Variants in ETV6 observed in about 807,000 individuals in gnomAD.
ETV6 encodes the protein ETS variant transcription factor 6, also known as transcription factor ETV6.
Under a neutral mutation model 51.1 loss-of-function variants are expected in ETV6, and 16 were observed. The observed-to-expected ratio is 0.31, with a 90% CI of 0.21 to 0.48. The LOEUF is 0.48. Ranked by LOEUF, ETV6 falls within the 20% of genes least tolerant of loss-of-function variation. The pLI, the probability that ETV6 is intolerant of heterozygous loss-of-function variation, is 0.99. For missense variants in ETV6, 458 were observed against 594.8 expected, an observed-to-expected ratio of 0.77 and a Z score of 2.39; for synonymous variants, 240 against 224.1, an observed-to-expected ratio of 1.07 and a Z score of -0.64.
At chr12:11,848,069 A>AT (rs1344668470) in intron 3 of ETV6, among the ~76,000 whole-genome samples, 1 of 152,212 alleles carries the variant, frequency 6.6e-6, no homozygotes, top group East Asian at 1.9e-4. Context: ...AACAAAGAAC[A>AT]TTTTTTGCCA....
At chr12:11,788,374 A>G (rs1219948134) in intron 2 of ETV6, among the ~76,000 whole-genome samples, 1 of 151,936 alleles carries the variant, frequency 6.6e-6, no homozygotes, top group Non-Finnish European at 1.5e-5. Context: ...TTCTGCCTTT[A>G]AAAAAAACGA....
chr12:11,653,046 T>C (rs1478782163), intron 1 of ETV6, among the ~76,000 whole-genome samples: 2 of 151,822 alleles, frequency 1.3e-5, no homozygotes, highest in Admixed American at 1.3e-4. Flanking sequence ...CGAGCACTCC[T>C]GGGGGGGTCT....
At chr12:11,680,987 A>G (rs1864518120) in intron 1 of ETV6, among the ~76,000 whole-genome samples, 1 of 152,228 alleles carries the variant, frequency 6.6e-6, no homozygotes. Context: ...ATAGGTAGGT[A>G]GGAGACTTTA....
rs1457003141 is a variant in ETV6, at chr12:11,680,273, AT to A, written c.33+30117del. On this transcript the variant is annotated intron_variant, in intron 1 of 7. Transcript: ENST00000396373. ...ACACTTGTTGGGGGGCAGGCAGTAT[AT>A]TTTACATCTGCTGATAATATGCTAG... Among the ~76,000 whole-genome samples the A allele has an allele frequency of 5.9e-5, 9 of 152,328 alleles. No homozygotes were observed. The South Asian group carries it at 1.9e-3, about 32-fold the overall frequency.
intron 1 of ETV6, among the ~76,000 whole-genome samples, chr12:11,718,793 G>T (rs951942322): frequency 1.3e-5 from 2 of 152,024 alleles, no homozygotes; most frequent in South Asian, 2.1e-4. Context: ...GTCACAGGTC[G>T]CACACTCACG....
chr12:11,840,372 A>G (rs1413120380), intron 3 of ETV6: 2 of 455,182 alleles, frequency 4.4e-6, no homozygotes, highest in Non-Finnish European at 8.8e-6. Flanking sequence ...TACATATGTC[A>G]AAGGGGAACT....
chr12:11,659,549 A>T (rs1287392533), intron 1 of ETV6, among the ~76,000 whole-genome samples: 1 of 152,146 alleles, frequency 6.6e-6, no homozygotes, highest in Non-Finnish European at 1.5e-5. Flanking sequence ...AGGCCGTGTA[A>T]CTTTATCTTT....
intron 3 of ETV6, among the ~76,000 whole-genome samples, chr12:11,845,578 T>C (rs1308323173): frequency 1.3e-5 from 2 of 152,218 alleles, no homozygotes; most frequent in Admixed American, 1.3e-4. Flanking sequence ...TTAAACCAAA[T>C]TTCAAATATT....
At chr12:11,868,421 T>G (rs1946823188) in intron 4 of ETV6, among the ~76,000 whole-genome samples, 1 of 145,310 alleles carries the variant, frequency 6.9e-6, no homozygotes, top group Admixed American at 7.1e-5. Flanking sequence ...AGGTTGGGGG[T>G]TTTTTTCTTT....
chr12:11,853,130 T>C (rs1255373621), intron 3 of ETV6, among the ~76,000 whole-genome samples: 1 of 152,218 alleles, frequency 6.6e-6, no homozygotes, highest in Non-Finnish European at 1.5e-5. Context: ...GAGGTTGTAG[T>C]GAGCCGAGAT....
At chr12:11,850,035 G>T (rs149782760) in intron 3 of ETV6, among the ~76,000 whole-genome samples, 1 of 152,280 alleles carries the variant, frequency 6.6e-6, no homozygotes, top group African/African-American at 2.4e-5. Context: ...CTGGGTCTTA[G>T]AACTAAGTTT....
chr12:11,650,488 A>AC lies in ETV6; in HGVS notation c.33+328_33+329insC, dbSNP rs1565472643. Among the ~76,000 whole-genome samples, 22 of 64,686 alleles carry AC rather than the reference A, an allele frequency of 3.4e-4. 1 individual carries two copies. The highest frequency in any genetic ancestry group is 1.1e-3 in the African/African-American group (22 of 20,170). 42.4% of individuals were successfully genotyped at this position (64,686 alleles called of 152,430 possible). A position where few individuals can be genotyped will look rare whatever the true frequency, so the allele number is the denominator to read the frequency against. On this transcript the variant is annotated intron_variant, in intron 1 of 7. Transcript: ENST00000396373. ...CCCCGTAATTAGTGCGCTTAAAAAA[A>AC]AAAAAAACAAAAAACAAAAAAAAAA...
intron 2 of ETV6, among the ~76,000 whole-genome samples, chr12:11,808,197 C>A (rs1945857146): frequency 6.6e-6 from 1 of 152,166 alleles, no homozygotes; most frequent in Admixed American, 6.5e-5. Flanking sequence ...GTGACAGACG[C>A]AAGGGCAGTA....
chr12:11,873,789 A>G lies in ETV6; in HGVS notation c.1009+3820A>G, dbSNP rs1236987707. Among the ~76,000 whole-genome samples, 4 of 112,048 alleles carry G rather than the reference A, an allele frequency of 3.6e-5. 2 individuals carry two copies. Among genetic ancestry groups the G allele is most frequent in the Non-Finnish European group, 7.2e-5 (4 of 55,196 alleles). The allele number at this position is 112,048 out of a possible 152,430, so 73.5% of individuals were successfully genotyped here. ...CACAGTCTTTATCATGAAAGAGCTGAGCACAGTTAACTATAAAAGCGAAGC... is the reference window on the plus strand; with the variant it reads ...CACAGTCTTTATCATGAAAGAGCTGGGCACAGTTAACTATAAAAGCGAAGC... On this transcript the variant is annotated intron_variant, in intron 5 of 7. Coordinates refer to ENST00000396373, the MANE Select transcript of ETV6 (RefSeq NM_001987.5).
chr12:11,736,420 G>C (rs891703356), intron 1 of ETV6, among the ~76,000 whole-genome samples: 1 of 152,160 alleles, frequency 6.6e-6, no homozygotes, highest in Admixed American at 6.5e-5. Context: ...TAAGAGATAG[G>C]TGACATTTGG....
intron 1 of ETV6, among the ~76,000 whole-genome samples, chr12:11,684,986 T>C (rs778548680): frequency 6.6e-6 from 1 of 152,062 alleles, no homozygotes; most frequent in Non-Finnish European, 1.5e-5. Context: ...GCCAGGGGGA[T>C]CCTATTCCAG....
intron 1 of ETV6, among the ~76,000 whole-genome samples, chr12:11,688,505 C>G (rs1273860556): frequency 6.6e-6 from 1 of 152,188 alleles, no homozygotes. Context: ...AAAATCTTAG[C>G]TATCAGGCAA....
At chr12:11,818,388 C>T (rs367652682) in intron 2 of ETV6, among the ~76,000 whole-genome samples, 2 of 151,984 alleles carry the variant, frequency 1.3e-5, no homozygotes, top group Admixed American at 6.5e-5. Context: ...ATTAGCTGAG[C>T]GTGGTGATGC....
At chr12:11,748,840 G>A (rs974491811) in intron 1 of ETV6, among the ~76,000 whole-genome samples, 1 of 152,086 alleles carries the variant, frequency 6.6e-6, no homozygotes, top group Admixed American at 6.5e-5. Flanking sequence ...GCTCATTTTG[G>A]CTTCAGTCCT....
Sources: allele counts gnomAD v4.1 joint callset (sites outside exome capture counted in the v4.1 genomes callset), GRCh38; gene constraint gnomAD v4.1.1; transcripts MANE v1.5; gene names NCBI Gene and HGNC (gene_info 2026-07-23, HGNC 2026-07-21).